The following GLP1R variants were observed in gnomAD, a reference collection of about 807,000 sequenced individuals.
GLP1R encodes glucagon-like peptide 1 receptor.
Under a neutral mutation model 68.4 loss-of-function variants are expected in GLP1R, and 32 were observed. That is an observed-to-expected ratio of 0.47 (90% CI 0.35 to 0.63). The LOEUF (loss-of-function observed/expected upper bound fraction) is 0.63, where lower values mean the gene tolerates loss of function less well. GLP1R is among the 20% of genes least tolerant of loss of function. The probability of loss-of-function intolerance (pLI) is 0.00; values close to 1 mark genes in which losing one functional copy is unlikely to be tolerated. For missense variants in GLP1R, 502 were observed against 594.9 expected, an observed-to-expected ratio of 0.84 and a Z score of 1.62; for synonymous variants, 263 against 244.4, an observed-to-expected ratio of 1.08 and a Z score of -0.71.
chr6:39,059,393 T>G lies in GLP1R; in HGVS notation c.283+1814T>G, dbSNP rs1035260834. Among the ~76,000 whole-genome samples the G allele has an allele frequency of 9.9e-5, 15 of 151,960 alleles. No homozygotes were observed. In the South Asian group the frequency reaches 2.5e-3, roughly 25 times the overall value. Reference sequence around the variant, plus strand: ...GCTACACCAAAGTCTTCCTTGGGGGTGTGTGTGTGTGCCCTTGCATGTGGC... The same window carrying G: ...GCTACACCAAAGTCTTCCTTGGGGGGGTGTGTGTGTGCCCTTGCATGTGGC... On this transcript the variant is annotated intron_variant, in intron 3 of 12. Coordinates refer to ENST00000373256, the MANE Select transcript of GLP1R (RefSeq NM_002062.5).
In GLP1R at chr6:39,087,050, T is replaced by C. The variant is rs1451636000; in HGVS notation, c.*977T>C. On this transcript the variant is annotated 3_prime_UTR_variant, in exon 13 of 13. Coordinates refer to ENST00000373256, the MANE Select transcript of GLP1R (RefSeq NM_002062.5). The stretch of plus-strand genomic sequence containing the variant: ...CTCTTGAGAATTTGGATACACTCTC[T>C]AGCTTTAGGGGACCATGAAGAGACT... The C allele has an allele frequency of 6.6e-6, 1 of 152,204 alleles. No homozygotes were observed. The highest frequency in any genetic ancestry group is 2.4e-5 in the African/African-American group (1 of 41,434). 9.4% of individuals were successfully genotyped at this position (152,204 alleles called of 1,614,324 possible). A position where few individuals can be genotyped will look rare whatever the true frequency, so the allele number is the denominator to read the frequency against.
rs189758453 is a variant in GLP1R at position 39,088,681 on chromosome 6, T to C, written c.*2608T>C. On this transcript the variant is annotated 3_prime_UTR_variant, in exon 13 of 13. Coordinates refer to ENST00000373256, the MANE Select transcript of GLP1R (RefSeq NM_002062.5). ...CTTTCAAGCAGCTGAATCGCAGAAC[T>C]GAAACAAAACACTTATATTGCAAAG... Among the ~76,000 whole-genome samples the C allele has an allele frequency of 1.3e-5, 2 of 152,248 alleles. No homozygotes were observed. The highest frequency in any genetic ancestry group is 2.9e-5 in the Non-Finnish European group (2 of 68,048).
In GLP1R at chr6:39,050,975, G is replaced by A. The variant is rs183668907; in HGVS notation, c.78+2057G>A. ...GTCAGGTCTCGTGAGGCTGGAAACAGCATCCCTGCAGGTAGGGGGATGGCT... is the reference window on the plus strand; with the variant it reads ...GTCAGGTCTCGTGAGGCTGGAAACAACATCCCTGCAGGTAGGGGGATGGCT... On this transcript the variant is annotated intron_variant, in intron 1 of 12. Transcript: ENST00000373256. Among the ~76,000 whole-genome samples the A allele has an allele frequency of 3.3e-5, 5 of 152,232 alleles. No homozygotes were observed. In the East Asian group the frequency reaches 9.7e-4, roughly 30 times the overall value.
Position 39,089,931 on chromosome 6 carries a change from T to C in GLP1R, c.*3858T>C, listed in dbSNP as rs1769243172. Among the ~76,000 whole-genome samples, 1 of 152,212 alleles carries C rather than the reference T, an allele frequency of 6.6e-6. No individual in the cohort carries two copies. The highest frequency in any genetic ancestry group is 1.5e-5 in the Non-Finnish European group (1 of 68,032). ...CCTACGAGGCAAACTATAAAAATTCTCAAATAAAATACAGAGGCTTACTCT... is the reference window on the plus strand; with the variant it reads ...CCTACGAGGCAAACTATAAAAATTCCCAAATAAAATACAGAGGCTTACTCT... On this transcript the variant is annotated 3_prime_UTR_variant, in exon 13 of 13. Transcript: ENST00000373256. The surrounding 1 kb of genome is among the most constrained non-coding windows in gnomAD (Gnocchi z 4.1).
intron 1 of GLP1R, among the ~76,000 whole-genome samples, chr6:39,051,349 A>G (rs1768083206): frequency 6.6e-6 from 1 of 152,154 alleles, no homozygotes; most frequent in Non-Finnish European, 1.5e-5. Context: ...GAACTGACCC[A>G]TTTGTCCTTG....
chr6:39,085,387 A>T (rs1329603605), intron 12 of GLP1R, among the ~76,000 whole-genome samples: 1 of 152,134 alleles, frequency 6.6e-6, no homozygotes, highest in East Asian at 1.9e-4. Flanking sequence ...TCTCAGCCAC[A>T]TTCCTTCCTT....
chr6:39,048,864 G>A lies in GLP1R; in HGVS notation c.24G>A (p.Leu8=). ...CCATGGCCGGCGCCCCCGGCCCGCTGCGCCTTGCGCTGCTGCTGCTCGGGA... is the reference window on the plus strand; with the variant it reads ...CCATGGCCGGCGCCCCCGGCCCGCTACGCCTTGCGCTGCTGCTGCTCGGGA... MAGAPGP[L]RLALLLLGMV... is the part of the protein sequence containing the mutation. Residue 8 remains leucine, a synonymous_variant, in exon 1 of 13, where the codon CTG becomes CTA. Transcript: ENST00000373256. The A allele has an allele frequency of 6.7e-7, 1 of 1,497,938 alleles. No homozygotes were observed. Among genetic ancestry groups the A allele is most frequent in the East Asian group, 2.8e-5 (1 of 35,374 alleles). 92.8% of individuals were successfully genotyped at this position (1,497,938 alleles called of 1,614,324 possible). A position where few individuals can be genotyped will look rare whatever the true frequency, so the allele number is the denominator to read the frequency against.
rs1320403476 is a variant in GLP1R, at chr6:39,085,733, CAA to C, written c.1225-172_1225-171del. Among the ~76,000 whole-genome samples the C allele has an allele frequency of 9.2e-5, 14 of 152,192 alleles. 1 individual carries two copies. Among genetic ancestry groups the C allele is most frequent in the Admixed American group, 6.5e-5 (1 of 15,276 alleles). On this transcript the variant is annotated intron_variant, in intron 12 of 12. Coordinates refer to ENST00000373256, the MANE Select transcript of GLP1R (RefSeq NM_002062.5). ...CTGAGGAGCTGCAGAAAATAGGAGA[CAA>C]CAATAAACAATTTTATTGGGATATT...
chr6:39,085,030 G>A (rs1242289952), intron 12 of GLP1R, among the ~76,000 whole-genome samples: 2 of 152,138 alleles, frequency 1.3e-5, no homozygotes, highest in African/African-American at 4.8e-5. Context: ...TCACCCAGAA[G>A]AGCAGTCCAG....
rs544658678 is a variant in GLP1R at position 39,089,311 on chromosome 6, T to A, written c.*3238T>A. On this transcript the variant is annotated 3_prime_UTR_variant, in exon 13 of 13. Transcript: ENST00000373256. This position sits in a 1 kb window ranked among gnomAD's most constrained non-coding sequence, Gnocchi z 4.1. ...TTTTTTTCTGATGCCTCTCTATGTG[T>A]TTGAAAAGTTGTATTGATAGTCACA... is the stretch of plus-strand genomic sequence containing the variant. Among the ~76,000 whole-genome samples the A allele has an allele frequency of 1.1e-4, 16 of 152,294 alleles. No homozygotes were observed. In the East Asian group the frequency reaches 2.9e-3, roughly 28 times the overall value.
chr6:39,076,473 C>G (rs925176959), intron 7 of GLP1R, among the ~76,000 whole-genome samples: 1 of 152,124 alleles, frequency 6.6e-6, no homozygotes, highest in Non-Finnish European at 1.5e-5. Flanking sequence ...CCGCTGGGGG[C>G]TCCTTTGCCT....
At chr6:39,063,116 G>A (rs868616995) in intron 3 of GLP1R, among the ~76,000 whole-genome samples, 1 of 152,196 alleles carries the variant, frequency 6.6e-6, no homozygotes, top group Admixed American at 6.5e-5. Flanking sequence ...CCATGGCTGT[G>A]TCTTCTTTTC....
At chr6:39,071,570 C>G (rs1024029740) in intron 5 of GLP1R, among the ~76,000 whole-genome samples, 2 of 151,904 alleles carry the variant, frequency 1.3e-5, no homozygotes, top group African/African-American at 4.8e-5. Flanking sequence ...TATTGATAGC[C>G]TTTCCTTCCC....
At chr6:39,056,861 G>A (rs1035769580) in intron 2 of GLP1R, among the ~76,000 whole-genome samples, 1 of 152,172 alleles carries the variant, frequency 6.6e-6, no homozygotes, top group African/African-American at 2.4e-5. Flanking sequence ...CCCCCAGCTA[G>A]AGCCTCTCAG....
chr6:39,083,262 C>T (rs920169376), intron 12 of GLP1R, among the ~76,000 whole-genome samples: 1 of 152,202 alleles, frequency 6.6e-6, no homozygotes, highest in Non-Finnish European at 1.5e-5. Context: ...CCTTTAAACC[C>T]ACCCTGAGAC....
At chr6:39,066,958 C>T (rs9296282) in intron 5 of GLP1R, among the ~76,000 whole-genome samples, 69,063 of 151,970 alleles carry the variant, frequency 0.45, 16,366 homozygotes, top group Non-Finnish European at 0.51. Flanking sequence ...CCTGGGCACA[C>T]GGTGCTCAAT....
chr6:39,055,344 A>G (rs975184350), intron 1 of GLP1R, among the ~76,000 whole-genome samples: 1 of 152,236 alleles, frequency 6.6e-6, no homozygotes, highest in Admixed American at 6.5e-5. Flanking sequence ...CTCTTGGGTC[A>G]TTTCAGCATC....
At chr6:39,055,930 T>C (rs1768202054) in intron 1 of GLP1R, among the ~76,000 whole-genome samples, 1 of 152,184 alleles carries the variant, frequency 6.6e-6, no homozygotes, top group Admixed American at 6.5e-5. Flanking sequence ...CTGTGCACCC[T>C]TGATTCAGTT....
At chr6:39,052,103 A>G (rs1768101797) in intron 1 of GLP1R, among the ~76,000 whole-genome samples, 1 of 151,772 alleles carries the variant, frequency 6.6e-6, no homozygotes. Flanking sequence ...AGTATTGGGA[A>G]TGTGCTTGGG....
Sources: gnomAD v4.1 joint callset for allele counts (sites outside exome capture counted in the v4.1 genomes callset) on GRCh38, gnomAD v4.1.1 for gene constraint, Gnocchi (gnomAD v3.1) non-coding constraint, MANE v1.5 for transcripts, NCBI Gene and HGNC (gene_info 2026-07-23, HGNC 2026-07-21) for gene names.